Variants in WWOX observed in about 807,000 individuals in gnomAD.
The protein encoded by WWOX is WW domain containing oxidoreductase.
WWOX carries 69 observed loss-of-function variants against 46.2 expected under a neutral mutation model. The ratio of observed to expected loss-of-function variants is 1.49; its 90% CI spans 1.23 to 1.82. WWOX has a LOEUF of 1.82. WWOX is among the 40% of genes most tolerant of loss of function. The pLI, the probability that WWOX is intolerant of heterozygous loss-of-function variation, is 0.00. For missense variants in WWOX, 919 were observed against 542.6 expected (o/e 1.69, Z -6.89); for synonymous variants, 359 against 202.6 (o/e 1.77, Z -6.56).
At chr16:78,100,314 GC>G (rs1165509567) in intron 1 of WWOX, 1 of 930,676 alleles carries the variant, frequency 1.1e-6, no homozygotes, top group Non-Finnish European at 1.3e-6. Flanking sequence ...GTGCAGGGGT[GC>G]CATCATAGCC....
chr16:78,564,620 A>C (rs1456585180), intron 8 of WWOX, among the ~76,000 whole-genome samples: 1 of 152,120 alleles, frequency 6.6e-6, no homozygotes, highest in Admixed American at 6.5e-5. Context: ...TTTCTTTTTA[A>C]ATCTGAACCT....
chr16:79,129,350 C>T (rs1283786818), intron 8 of WWOX, among the ~76,000 whole-genome samples: 1 of 148,970 alleles, frequency 6.7e-6, no homozygotes, highest in Non-Finnish European at 1.5e-5. Context: ...TAGTCACACA[C>T]CTCTCAGTGC....
At chr16:78,310,050 C>T (rs1396908309) in intron 5 of WWOX, among the ~76,000 whole-genome samples, 2 of 150,624 alleles carry the variant, frequency 1.3e-5, no homozygotes, top group Admixed American at 6.6e-5. Context: ...TTCCCTTCCT[C>T]CTCCTTCCCC....
chr16:78,349,117 A>C (rs1417136728), intron 5 of WWOX, among the ~76,000 whole-genome samples: 2 of 120,232 alleles, frequency 1.7e-5, no homozygotes, highest in Non-Finnish European at 4.0e-5. Context: ...ATGTCTTCTG[A>C]GGTCTACCTC....
chr16:78,866,438 A>ATT (rs34191638), intron 8 of WWOX, among the ~76,000 whole-genome samples: 1,549 of 150,202 alleles, frequency 0.01, 14 homozygotes, highest in Non-Finnish European at 0.011. Flanking sequence ...ATCCCGTGCT[A>ATT]TTTTTTTTTT....
At chr16:78,426,512 T>C (rs1433778411) in intron 7 of WWOX, among the ~76,000 whole-genome samples, 1 of 152,158 alleles carries the variant, frequency 6.6e-6, no homozygotes, top group Non-Finnish European at 1.5e-5. Context: ...ATTTAAAAGA[T>C]TAGTTTGAAA....
At chr16:78,156,361 G>C (rs1284379064) in intron 4 of WWOX, among the ~76,000 whole-genome samples, 1 of 152,106 alleles carries the variant, frequency 6.6e-6, no homozygotes, top group African/African-American at 2.4e-5. Flanking sequence ...CAGATTTCTT[G>C]GTAGCATCAT....
At chr16:78,926,017 A>G (rs2151275109) in intron 8 of WWOX, among the ~76,000 whole-genome samples, 1 of 152,348 alleles carries the variant, frequency 6.6e-6, no homozygotes, top group Non-Finnish European at 1.5e-5. Context: ...TGTAAATTGT[A>G]GAGTCTATGA....
chr16:79,134,730 G>T (rs1366705684), intron 8 of WWOX, among the ~76,000 whole-genome samples: 1 of 152,188 alleles, frequency 6.6e-6, no homozygotes, highest in Non-Finnish European at 1.5e-5. Context: ...GAGAAATGAA[G>T]TAACTCAGCT....
chr16:78,488,491 T>G (rs2084695444), intron 8 of WWOX, among the ~76,000 whole-genome samples: 1 of 152,172 alleles, frequency 6.6e-6, no homozygotes. Context: ...GGATAAGACT[T>G]TCTGATTTTT....
chr16:78,761,562 C>T (rs1231434294), intron 8 of WWOX, among the ~76,000 whole-genome samples: 1 of 151,922 alleles, frequency 6.6e-6, no homozygotes, highest in Non-Finnish European at 1.5e-5. Flanking sequence ...GTGGTGGGCT[C>T]ACAGCTCTTG....
chr16:78,730,471 G>A (rs2048942491), intron 8 of WWOX, among the ~76,000 whole-genome samples: 1 of 151,858 alleles, frequency 6.6e-6, no homozygotes, highest in Admixed American at 6.6e-5. Context: ...TTGTTTGTTT[G>A]TTTTTTGAGA....
At chr16:78,602,178 TCTTA>T (rs1275233095) in intron 8 of WWOX, among the ~76,000 whole-genome samples, 1 of 152,202 alleles carries the variant, frequency 6.6e-6, no homozygotes, top group Non-Finnish European at 1.5e-5. Flanking sequence ...GAGAGTTACC[TCTTA>T]CTTCAGTATT....
intron 1 of WWOX, among the ~76,000 whole-genome samples, chr16:78,102,529 G>C (rs978246636): frequency 1.3e-5 from 2 of 152,190 alleles, no homozygotes; most frequent in Non-Finnish European, 2.9e-5. Context: ...TTGCAGGGAC[G>C]GAGGCAAGCT....
chr16:78,578,579 CG>C, intron 8 of WWOX, among the ~76,000 whole-genome samples: 1 of 151,812 alleles, frequency 6.6e-6, no homozygotes, highest in South Asian at 2.1e-4. Flanking sequence ...TGAGCCACCG[CG>C]GCTGGCGAAA....
chr16:78,359,163 A>G (rs1277629152), intron 5 of WWOX, among the ~76,000 whole-genome samples: 3 of 152,138 alleles, frequency 2.0e-5, no homozygotes, highest in Admixed American at 6.5e-5. Context: ...TACCTTCACC[A>G]TATCATGTAT....
intron 8 of WWOX, 81 bp downstream of exon 8, chr16:78,432,833 T>G: frequency 6.2e-7 from 1 of 1,600,352 alleles, no homozygotes; most frequent in Non-Finnish European, 8.6e-7. Context: ...TTTTTACCTC[T>G]TGCGGGCATG....
chr16:78,344,960 C>T (rs1484466055), intron 5 of WWOX, among the ~76,000 whole-genome samples: 1 of 120,404 alleles, frequency 8.3e-6, no homozygotes, highest in Non-Finnish European at 2.0e-5. Flanking sequence ...GTCACTTAAC[C>T]TCTCTGAGCA....
At chr16:78,411,842 A>T (rs1411027080) in intron 6 of WWOX, among the ~76,000 whole-genome samples, 2 of 152,292 alleles carry the variant, frequency 1.3e-5, no homozygotes, top group East Asian at 1.9e-4. Context: ...TGAGCCTGGG[A>T]TGGGGATTCT....
Sources: allele counts gnomAD v4.1 joint callset (sites outside exome capture counted in the v4.1 genomes callset), GRCh38; gene constraint gnomAD v4.1.1; transcripts MANE v1.5; gene names NCBI Gene and HGNC (gene_info 2026-07-23, HGNC 2026-07-21).